COCH: variants seen among roughly 807,000 people sequenced by gnomAD.
COCH encodes coagulation factor C homolog, cochlin (Limulus polyphemus).
A neutral mutation model predicts 54.8 loss-of-function variants in COCH; 40 were observed. The ratio of observed to expected loss-of-function variants is 0.73; its 90% CI spans 0.57 to 0.95. The LOEUF (loss-of-function observed/expected upper bound fraction) is 0.95. Among genes scored for constraint, COCH ranks in the 40% least tolerant of loss-of-function variants. COCH has a pLI of 0.00. For missense variants in COCH, 605 were observed against 675.0 expected (o/e 0.90, Z 1.15); for synonymous variants, 256 against 237.9 (o/e 1.08, Z -0.70).
Position 30,889,772 on chromosome 14 carries a change from T to A in COCH, c.1634T>A (p.Phe545Tyr), listed in dbSNP as rs763246563. The A allele has an allele frequency of 1.9e-6, 3 of 1,609,818 alleles. No homozygotes were observed. Among genetic ancestry groups the A allele is most frequent in the Non-Finnish European group, 2.6e-6 (3 of 1,176,468 alleles). ...SDVIRGICRD[F>Y]LESQQ ...GTCATCAGAGGCATTTGTAGAGATT[T>A]CTTAGAATCCCAGCAATAATGGTAA... Residue 545 changes from phenylalanine to tyrosine, a missense_variant, in exon 12 of 12, where the codon TTC (phenylalanine) becomes TAC (tyrosine). Coordinates refer to ENST00000396618, the MANE Select transcript of COCH (RefSeq NM_004086.3).
rs1342119568 is a variant in COCH at position 30,877,820 on chromosome 14, T to G, written c.239+92T>G. On this transcript the variant is annotated intron_variant, in intron 4 of 11. Transcript: ENST00000396618. This position sits in a 1 kb window ranked among gnomAD's most constrained non-coding sequence, Gnocchi z 8.6. ...ATCTGGATCCCTTTCCTCCCTGCATTCTTTCTTTTGTTGCCATTGTGGCCA... is the reference window on the plus strand; with the variant it reads ...ATCTGGATCCCTTTCCTCCCTGCATGCTTTCTTTTGTTGCCATTGTGGCCA... The G allele has an allele frequency of 6.3e-7, 1 of 1,589,870 alleles. No homozygotes were observed. Among genetic ancestry groups the G allele is most frequent in the East Asian group, 2.2e-5 (1 of 44,574 alleles).
At chr14:30,892,491 C>CA (rs936055721), downstream of COCH, among the ~76,000 whole-genome samples, 46 of 151,568 alleles carry the variant, frequency 3.0e-4, no homozygotes, top group South Asian at 1.9e-3. Context: ...TTCAGAAAAA[C>CA]AAAAAAAATG....
chr14:30,894,804 A>T, downstream of COCH: 1 of 329,308 alleles, frequency 3.0e-6, no homozygotes, highest in Non-Finnish European at 5.2e-6. Flanking sequence ...TGACAGGCTA[A>T]ATATATAAAA....
intron 11 of COCH, 127 bp from the exon 12 acceptor site, chr14:30,889,489 A>T: frequency 1.2e-6 from 1 of 818,640 alleles, no homozygotes; most frequent in Non-Finnish European, 2.0e-6. Flanking sequence ...CAGGGGATTT[A>T]ATTGTCCAGA....
At chr14:30,889,058 T>C (rs1895890929) in intron 11 of COCH, 1 of 153,456 alleles carries the variant, frequency 6.5e-6, no homozygotes, top group Non-Finnish European at 1.5e-5. Flanking sequence ...AATATAAAGA[T>C]TGAAATGGAA....
Position 30,885,967 on chromosome 14 carries a change from G to A in COCH, c.1132G>A (p.Val378Ile), listed in dbSNP as rs762998217. 1.7e-5 allele frequency: 27 copies of A among 1,614,098 alleles called. No homozygotes were observed. The highest frequency in any genetic ancestry group is 1.9e-5 in the Non-Finnish European group (23 of 1,180,050). Reference sequence around the variant, plus strand: ...CTTTCTAATTGATGGCTCCAGCAGTGTTGGAGATAGCAATTTCCGCCTCAT... The same window carrying A: ...CTTTCTAATTGATGGCTCCAGCAGTATTGGAGATAGCAATTTCCGCCTCAT... ...IAFLIDGSSS[V>I]GDSNFRLMLE... is the part of the protein sequence containing the mutation. The change falls in exon 11 of 12, where the codon GTT (valine) becomes ATT (isoleucine). Residue 378 changes from valine (V) to isoleucine (I), a missense_variant. Physicochemically the swap from Val to Ile is conservative, Grantham distance 29. Coordinates refer to ENST00000396618, the MANE Select transcript of COCH (RefSeq NM_004086.3).
Position 30,889,617 on chromosome 14 carries a change from A to C in COCH, c.1479A>C (p.Gly493=). 6.2e-7 allele frequency: 1 copy of C among 1,613,612 alleles called. No homozygotes were observed. The highest frequency in any genetic ancestry group is 8.5e-7 in the Non-Finnish European group (1 of 1,179,530). Residue 493 remains glycine (G), a splice_region_variant and synonymous_variant, in exon 12 of 12, where the codon GGA becomes GGC. Coordinates refer to ENST00000396618, the MANE Select transcript of COCH (RefSeq NM_004086.3). The stretch of plus-strand genomic sequence containing the variant: ...CACTTTAAAATGTTTTCATTGTAGG[A>C]ATCACTATCTTCTCTGTTGGTGTGG... ...QGPAAAAHDA[G]ITIFSVGVAW... is the part of the protein sequence containing the mutation.
chr14:30,886,899 T>G (rs1050265735), intron 11 of COCH, among the ~76,000 whole-genome samples: 9 of 152,126 alleles, frequency 5.9e-5, no homozygotes, highest in African/African-American at 1.7e-4. Flanking sequence ...TAAATTTTTT[T>G]GGGGAGAGAC....
rs28400029 is a variant in COCH, at chr14:30,877,687, A to G, written c.198A>G (p.Val66=). The G allele has an allele frequency of 6.2e-7, 1 of 1,614,254 alleles. No homozygotes were observed. The highest frequency in any genetic ancestry group is 1.1e-5 in the South Asian group (1 of 91,090). The part of the protein sequence containing the change: ...LEEFSVYGNI[V]YASVSSICGA... ...AATTCTCTGTGTATGGGAACATAGT[A>G]TATGCTTCTGTATCGAGCATATGTG... Residue 66 remains valine, a synonymous_variant, in exon 4 of 12, where the codon GTA becomes GTG. Transcript: ENST00000396618. This position sits in a 1 kb window ranked among gnomAD's most constrained non-coding sequence, Gnocchi z 8.6.
downstream of COCH, among the ~76,000 whole-genome samples, chr14:30,893,142 A>T (rs1050665167): frequency 2.4e-4 from 23 of 97,210 alleles, no homozygotes; most frequent in Non-Finnish European, 4.5e-4. Context: ...AAACGGCAAA[A>T]ACCACAATTT....
downstream of COCH, among the ~76,000 whole-genome samples, chr14:30,893,407 C>T (rs185414404): frequency 6.7e-4 from 102 of 152,220 alleles, no homozygotes; most frequent in South Asian, 3.1e-3. Flanking sequence ...CCACCTCGGC[C>T]TCCCAAAGTG....
At position 30,885,388 on chromosome 14, in the gene COCH, A is replaced by G. The variant is rs759202794; in HGVS notation, c.734-6A>G. The G allele has an allele frequency of 6.2e-7, 1 of 1,611,050 alleles. No homozygotes were observed. Among genetic ancestry groups the G allele is most frequent in the Non-Finnish European group, 8.5e-7 (1 of 1,177,162 alleles). ...GGCTATTTGTTTGCTTCTTTTTCAAATTTAGGAAAAGCCTTGAAGCATACT... is the reference window on the plus strand; with the variant it reads ...GGCTATTTGTTTGCTTCTTTTTCAAGTTTAGGAAAAGCCTTGAAGCATACT... On this transcript the variant is annotated splice_polypyrimidine_tract_variant and splice_region_variant and intron_variant, in intron 9 of 11. Transcript: ENST00000396618.
At chr14:30,885,297 T>A in intron 9 of COCH, 97 bp from the exon 10 acceptor site, 1 of 1,131,212 alleles carries the variant, frequency 8.8e-7, no homozygotes, top group Non-Finnish European at 1.3e-6. Context: ...GTTCTATATA[T>A]AATTCTTAAA....
chr14:30,887,728 C>G (rs574603465), intron 11 of COCH, among the ~76,000 whole-genome samples: 1 of 152,226 alleles, frequency 6.6e-6, no homozygotes, highest in Admixed American at 6.5e-5. Flanking sequence ...ACATTAGTAC[C>G]TCTGCCAATG....
chr14:30,878,164 G>A (rs968907688), intron 4 of COCH, among the ~76,000 whole-genome samples: 1 of 152,176 alleles, frequency 6.6e-6, no homozygotes, highest in African/African-American at 2.4e-5. Flanking sequence ...TAGTAGAATA[G>A]CCAGTATAAT....
chr14:30,893,368 G>A (rs1896040380), downstream of COCH, among the ~76,000 whole-genome samples: 1 of 151,656 alleles, frequency 6.6e-6, no homozygotes, highest in African/African-American at 2.4e-5. Context: ...TAGCCAGGAT[G>A]GTCTTGATCT....
Position 30,875,414 on chromosome 14 carries a change from A to C in COCH, c.82+311A>C. 9 of 597,066 alleles carry C rather than the reference A, an allele frequency of 1.5e-5. No individual in the cohort carries two copies. In the South Asian group the frequency reaches 1.8e-4, roughly 12 times the overall value. The allele number at this position is 597,066 out of a possible 1,614,324, so 37.0% of individuals were successfully genotyped here. On this transcript the variant is annotated intron_variant, in intron 3 of 11. Transcript: ENST00000396618. The stretch of plus-strand genomic sequence containing the variant: ...GGGCCCGCTGAGCGCCGGCAGCAGG[A>C]GGTCGAGGAAGGAGGACTCCTTGAG...
Position 30,880,762 on chromosome 14 carries a change from TA to T in COCH, c.629+38del, listed in dbSNP as rs10706771. The T allele has an allele frequency of 0.058, 87,752 of 1,503,344 alleles. 3,508 individuals carry two copies. Among genetic ancestry groups the T allele is most frequent in the East Asian group, 0.24 (10,266 of 43,562 alleles). The allele number at this position is 1,503,344 out of a possible 1,614,324, so 93.1% of individuals were successfully genotyped here. A position where few individuals can be genotyped will look rare whatever the true frequency, so the allele number is the denominator to read the frequency against. ...ACCAACCTTGTTAAAATGGGAGATT[TA>T]AAAAAAAAATTATTTTGTAATTGAC... On this transcript the variant is annotated intron_variant, in intron 8 of 11. Transcript: ENST00000396618.
intron 11 of COCH, among the ~76,000 whole-genome samples, chr14:30,888,812 TAAATG>T (rs928140434): frequency 5.3e-5 from 8 of 151,054 alleles, no homozygotes; most frequent in Admixed American, 2.0e-4. Context: ...AAAAAAAGAT[TAAATG>T]AAAACTTCTA....
Sources: allele counts gnomAD v4.1 joint callset (sites outside exome capture counted in the v4.1 genomes callset), GRCh38; gene constraint gnomAD v4.1.1; non-coding constraint Gnocchi (gnomAD v3.1); transcripts MANE v1.5; gene names NCBI Gene and HGNC (gene_info 2026-07-23, HGNC 2026-07-21).